Variants in ZNF571 observed in about 807,000 individuals in gnomAD.
ZNF571 encodes zinc finger protein 571.
Under a neutral mutation model 7.7 loss-of-function variants are expected in ZNF571, and 4 were observed. That is an observed-to-expected ratio of 0.52 (90% CI 0.25 to 1.18). The LOEUF (loss-of-function observed/expected upper bound fraction) is 1.18. Ranked by LOEUF, ZNF571 falls within the 50% of genes most tolerant of loss-of-function variation. ZNF571 has a pLI of 0.14. For synonymous variants in ZNF571, 251 were observed against 232.4 expected (o/e 1.08, Z -0.73); for missense variants, 704 against 726.9 (o/e 0.97, Z 0.36).
At chr19:37,593,687 A>T (rs1356967028) in intron 1 of ZNF571, among the ~76,000 whole-genome samples, 1 of 152,200 alleles carries the variant, frequency 6.6e-6, no homozygotes, top group Non-Finnish European at 1.5e-5. Context: ...AGGGCGACAC[A>T]GCGAGAATCC....
chr19:37,580,091 C>G (rs1368651455), intron 3 of ZNF571, among the ~76,000 whole-genome samples: 1 of 152,198 alleles, frequency 6.6e-6, no homozygotes, highest in Admixed American at 6.5e-5. Flanking sequence ...GTATTTTACA[C>G]TAGCTACTAT....
chr19:37,565,205 TG>T lies in ZNF571; in HGVS notation c.1222del (p.Gln408AsnfsTer142), dbSNP rs778073440. ...KAFISNSNLIQHQRIHTGEKP... is the reference protein window; with the variant it reads ...KAFISNSNLIXHQRIHTGEKP... ...CTCTCCGGTATGAATTCTTTGATGT[TG>T]AATAAGATTAGAATTAGAAATAAAG... On this transcript the variant is annotated frameshift_variant, in exon 4 of 4. Coordinates refer to ENST00000451802, the MANE Select transcript of ZNF571 (RefSeq NM_016536.5). LOFTEE classifies it low-confidence loss of function (END_TRUNC). 6.2e-7 allele frequency: 1 copy of T among 1,613,632 alleles called. No homozygotes were observed. Among genetic ancestry groups the T allele is most frequent in the East Asian group, 2.2e-5 (1 of 44,850 alleles).
At chr19:37,579,047 C>A (rs769223198) in intron 3 of ZNF571, among the ~76,000 whole-genome samples, 2 of 152,248 alleles carry the variant, frequency 1.3e-5, no homozygotes, top group Admixed American at 6.5e-5. Flanking sequence ...CTGCCCCCAC[C>A]TGAACATTTC....
chr19:37,580,277 T>C (rs563312451), intron 3 of ZNF571, among the ~76,000 whole-genome samples: 4 of 152,368 alleles, frequency 2.6e-5, no homozygotes, highest in East Asian at 1.9e-4. Context: ...CCTCATGATA[T>C]ATACTGTGCT....
chr19:37,578,378 G>T (rs1173402595), intron 3 of ZNF571, among the ~76,000 whole-genome samples: 1 of 152,086 alleles, frequency 6.6e-6, no homozygotes, highest in South Asian at 2.1e-4. Flanking sequence ...GAGTCCCTGG[G>T]GAAGCCACAC....
In ZNF571 at chr19:37,565,830, A is replaced by G. The variant is rs1201229962; in HGVS notation, c.598T>C (p.Cys200Arg). The change falls in exon 4 of 4, where the codon TGT becomes CGT. Residue 200 changes from cysteine (C) to arginine (R), a missense_variant. Transcript: ENST00000451802. Reference sequence around the variant, plus strand: ...GAAGTACGACCAAAGGCCTTTCCACATTCCATACACTCATAAGGTTTCTCA... The same window carrying G: ...GAAGTACGACCAAAGGCCTTTCCACGTTCCATACACTCATAAGGTTTCTCA... ...TGEKPYECME[C>R]GKAFGRTSDL... The G allele has an allele frequency of 6.2e-7, 1 of 1,613,656 alleles. No individual in the cohort carries two copies. The highest frequency in any genetic ancestry group is 8.5e-7 in the Non-Finnish European group (1 of 1,179,796).
chr19:37,592,650 G>A (rs1012349616), intron 1 of ZNF571, among the ~76,000 whole-genome samples: 1 of 152,120 alleles, frequency 6.6e-6, no homozygotes, highest in Non-Finnish European at 1.5e-5. Flanking sequence ...AGACTGTAAG[G>A]GCCTCATGAT....
chr19:37,593,190 A>G (rs903906036), intron 1 of ZNF571, among the ~76,000 whole-genome samples: 1 of 152,080 alleles, frequency 6.6e-6, no homozygotes. Flanking sequence ...CTTTTTGGTA[A>G]TATATGCTTA....
At chr19:37,567,666 C>T (rs1357054893) in intron 3 of ZNF571, 1 of 152,188 alleles carries the variant, frequency 6.6e-6, no homozygotes, top group Admixed American at 6.5e-5. Context: ...AAAGTGGCCA[C>T]CTCCTTTGCG....
chr19:37,588,878 T>A (rs1392161822), intron 1 of ZNF571, among the ~76,000 whole-genome samples: 1 of 152,108 alleles, frequency 6.6e-6, no homozygotes, highest in Non-Finnish European at 1.5e-5. Context: ...CCAAATTAAC[T>A]CCAAATATAT....
At chr19:37,580,035 C>T (rs904992717) in intron 3 of ZNF571, among the ~76,000 whole-genome samples, 2 of 152,146 alleles carry the variant, frequency 1.3e-5, no homozygotes, top group Admixed American at 6.6e-5. Context: ...TAAGCTTTAT[C>T]GTATGAGGCT....
intron 3 of ZNF571, among the ~76,000 whole-genome samples, chr19:37,578,601 G>C (rs1459258090): frequency 3.3e-5 from 5 of 152,204 alleles, no homozygotes; most frequent in Admixed American, 3.3e-4. Flanking sequence ...GGGGCGGTCA[G>C]AATGCCCAGC....
Position 37,573,264 on chromosome 19 carries a change from T to C in ZNF571, c.137-6973A>G, listed in dbSNP as rs75699424. ...CTCCAGGCAATTCTATATAAAAGTA[T>C]TGGAGATACTGGATTCCTATTATTA... is the stretch of plus-strand genomic sequence containing the variant. On this transcript the variant is annotated intron_variant, in intron 3 of 3. Transcript: ENST00000451802. Among the ~76,000 whole-genome samples the C allele has an allele frequency of 2.2e-4, 34 of 152,282 alleles. No homozygotes were observed. In the East Asian group the frequency reaches 5.0e-3, roughly 22 times the overall value.
Position 37,566,102 on chromosome 19 carries a change from C to T in ZNF571, c.326G>A (p.Cys109Tyr), listed in dbSNP as rs1285085056. 6.2e-7 allele frequency: 1 copy of T among 1,614,026 alleles called. No individual in the cohort carries two copies. The highest frequency in any genetic ancestry group is 1.7e-5 in the Admixed American group (1 of 60,012). The change falls in exon 4 of 4, where the codon TGT becomes TAT. Residue 109 changes from cysteine (C) to tyrosine (Y), a missense_variant. By Grantham distance (194) the Cys-to-Tyr change is radical. Transcript: ENST00000451802. ...QEASQEGLYM[C>Y]VKITCEEKAT... ...CTTTTCTTCACAGGTAATTTTGACA[C>T]ACATGTAAAGCCCTTCCTGACTTGC... is the stretch of plus-strand genomic sequence containing the variant.
intron 1 of ZNF571, among the ~76,000 whole-genome samples, chr19:37,591,561 T>C (rs2043867949): frequency 6.6e-6 from 1 of 152,194 alleles, no homozygotes; most frequent in Non-Finnish European, 1.5e-5. Flanking sequence ...TTATTTATCT[T>C]GAGATGGAGT....
At chr19:37,573,559 G>A (rs1343297181) in intron 3 of ZNF571, among the ~76,000 whole-genome samples, 1 of 151,592 alleles carries the variant, frequency 6.6e-6, no homozygotes, top group Non-Finnish European at 1.5e-5. Context: ...GGGTGCAGTG[G>A]TTCACAACTG....
At chr19:37,581,102 C>T (rs1387309346) in intron 3 of ZNF571, among the ~76,000 whole-genome samples, 2 of 152,144 alleles carry the variant, frequency 1.3e-5, no homozygotes, top group African/African-American at 2.4e-5. Flanking sequence ...CCAAAGAACA[C>T]TGAAGCCTTA....
At position 37,565,539 on chromosome 19, in the gene ZNF571, GGTAA is replaced by G. The variant is rs533128503; in HGVS notation, c.885_888del (p.Tyr296IlefsTer54). 33 of 1,613,404 alleles carry G rather than the reference GGTAA, an allele frequency of 2.0e-5. No individual in the cohort carries two copies. In the South Asian group the frequency reaches 2.1e-4, roughly 10 times the overall value. ...TTCTCACCACTATGAATTCTCTGAT[GGTAA>G]GTAAGTTGAGAGCCAAGAATAAAGG... On this transcript the variant is annotated frameshift_variant, in exon 4 of 4. Coordinates refer to ENST00000451802, the MANE Select transcript of ZNF571 (RefSeq NM_016536.5). LOFTEE classifies it low-confidence loss of function (END_TRUNC).
rs1345435660 is a variant in ZNF571 at position 37,569,593 on chromosome 19, C to G, written c.137-3302G>C. 3.3e-5 allele frequency among the ~76,000 whole-genome samples: 5 copies of G among 152,146 alleles called. No homozygotes were observed. Among genetic ancestry groups the G allele is most frequent in the Non-Finnish European group, 7.3e-5 (5 of 68,032 alleles). On this transcript the variant is annotated intron_variant, in intron 3 of 3. Coordinates refer to ENST00000451802, the MANE Select transcript of ZNF571 (RefSeq NM_016536.5). The surrounding 1 kb of genome is among the most constrained non-coding windows in gnomAD (Gnocchi z 4.4). ...TTATCTCCTGTTTTATTAAAAACAA[C>G]AAGTGCTGCTTATAACCTACTAGGT...
Sources: gnomAD v4.1 joint callset for allele counts (sites outside exome capture counted in the v4.1 genomes callset) on GRCh38, gnomAD v4.1.1 for gene constraint, Gnocchi (gnomAD v3.1) non-coding constraint, MANE v1.5 for transcripts, NCBI Gene and HGNC (gene_info 2026-07-23, HGNC 2026-07-21) for gene names.